Variants in ADAMTS9 observed in about 807,000 individuals in gnomAD.
ADAMTS9 encodes the protein A disintegrin and metalloproteinase with thrombospondin motifs 9.
Under a neutral mutation model 257.1 loss-of-function variants are expected in ADAMTS9, and 107 were observed. The observed-to-expected ratio is 0.42, with a 90% CI of 0.36 to 0.49. The LOEUF is 0.49. Ranked by LOEUF, ADAMTS9 falls within the 20% of genes least tolerant of loss-of-function variation. The probability of loss-of-function intolerance (pLI) is 0.03; values close to 1 mark genes in which losing one functional copy is unlikely to be tolerated. For synonymous variants in ADAMTS9, 982 were observed against 880.9 expected, an observed-to-expected ratio of 1.11 and a Z score of -2.03; for missense variants, 2,353 against 2,469.1, an observed-to-expected ratio of 0.95 and a Z score of 1.00.
At position 64,631,789 on chromosome 3, in the gene ADAMTS9, C is replaced by T. The variant is rs1259832196; in HGVS notation, c.2293+19G>A. On this transcript the variant is annotated intron_variant, in intron 15 of 39. Transcript: ENST00000498707. ...TTTGACCATATTCCTTCTCATGGTT[C>T]TTAGGAGCAGATTCTTACCATAATG... 1 of 1,587,012 alleles carries T rather than the reference C, an allele frequency of 6.3e-7. No homozygotes were observed. The highest frequency in any genetic ancestry group is 1.3e-5 in the African/African-American group (1 of 74,188).
chr3:64,517,421 T>TTTTTTG (rs1553698673), intron 39 of ADAMTS9, among the ~76,000 whole-genome samples: 2 of 122,076 alleles, frequency 1.6e-5, no homozygotes, highest in African/African-American at 2.9e-5. Context: ...AAATGGTTTT[T>TTTTTTG]TTTTTTTTTT....
chr3:64,616,460 C>A (rs6445416), intron 19 of ADAMTS9, among the ~76,000 whole-genome samples: 76,208 of 151,930 alleles, frequency 0.5, 19,931 homozygotes, highest in African/African-American at 0.66. Flanking sequence ...AAAAGGAAAA[C>A]ATTTTTTTCA....
intron 16 of ADAMTS9, 55 bp from the exon 17 acceptor site, chr3:64,622,641 T>C (rs1005246422): frequency 3.2e-6 from 5 of 1,583,726 alleles, no homozygotes; most frequent in African/African-American, 1.3e-5. Context: ...ACTAGCTGTT[T>C]GAAATATGAA....
chr3:64,527,291 T>C (rs957964542), intron 38 of ADAMTS9, among the ~76,000 whole-genome samples: 2 of 152,258 alleles, frequency 1.3e-5, no homozygotes, highest in African/African-American at 4.8e-5. Context: ...TGAATCTCTG[T>C]TCCATTAAGA....
intron 16 of ADAMTS9, among the ~76,000 whole-genome samples, chr3:64,626,619 TA>T (rs1700227948): frequency 6.6e-6 from 1 of 152,170 alleles, no homozygotes; most frequent in Non-Finnish European, 1.5e-5. Flanking sequence ...ATGGGTACTC[TA>T]AAAGCTCAGA....
chr3:64,596,245 C>T (rs191214515), intron 27 of ADAMTS9, among the ~76,000 whole-genome samples: 9 of 152,320 alleles, frequency 5.9e-5, no homozygotes, highest in Admixed American at 5.9e-4. Flanking sequence ...GAGAACAGGA[C>T]ACGGTTTTCT....
intron 38 of ADAMTS9, 110 bp from the exon 39 acceptor site, chr3:64,522,370 C>T: frequency 1.1e-6 from 1 of 929,488 alleles, no homozygotes; most frequent in Non-Finnish European, 1.7e-6. Flanking sequence ...GCCTTCTGAA[C>T]TGATGTGAAG....
At chr3:64,588,779 A>G (rs1411543571) in intron 28 of ADAMTS9, 1 of 152,224 alleles carries the variant, frequency 6.6e-6, no homozygotes, top group Non-Finnish European at 1.5e-5. Context: ...TCATAGGCAT[A>G]CAATCTCTGT....
At chr3:64,557,189 T>C (rs1172661682) in intron 30 of ADAMTS9, among the ~76,000 whole-genome samples, 1 of 151,966 alleles carries the variant, frequency 6.6e-6, no homozygotes, top group African/African-American at 2.4e-5. Flanking sequence ...CAGAGGAAGG[T>C]GGTCTTATGA....
At chr3:64,528,127 C>G (rs1217375539) in intron 38 of ADAMTS9, among the ~76,000 whole-genome samples, 1 of 152,210 alleles carries the variant, frequency 6.6e-6, no homozygotes, top group African/African-American at 2.4e-5. Flanking sequence ...GAAAATTCCT[C>G]TGGCACACAA....
chr3:64,678,591 C>T (rs916641007), intron 3 of ADAMTS9, among the ~76,000 whole-genome samples: 2 of 152,180 alleles, frequency 1.3e-5, no homozygotes, highest in African/African-American at 4.8e-5. Context: ...CCAACCACTG[C>T]TCTTGATTGG....
At chr3:64,655,510 T>C in intron 6 of ADAMTS9, 66 bp downstream of exon 6, 2 of 1,322,894 alleles carry the variant, frequency 1.5e-6, no homozygotes, top group Non-Finnish European at 2.2e-6. Flanking sequence ...CTATTAGGAA[T>C]GCATGACCAC....
At chr3:64,627,093 A>G (rs1028175753) in intron 16 of ADAMTS9, among the ~76,000 whole-genome samples, 3 of 152,218 alleles carry the variant, frequency 2.0e-5, no homozygotes, top group Non-Finnish European at 4.4e-5. Context: ...ATGTCTTGAT[A>G]AAAAGGAGGA....
intron 10 of ADAMTS9, among the ~76,000 whole-genome samples, chr3:64,649,064 C>T (rs967726162): frequency 1.3e-5 from 2 of 152,070 alleles, no homozygotes; most frequent in Non-Finnish European, 2.9e-5. Flanking sequence ...CATCTGTAAC[C>T]GGATAACTGC....
In ADAMTS9 at chr3:64,615,324, T is replaced by A; in HGVS notation, c.3186A>T (p.Ser1062=). 1.9e-6 allele frequency: 3 copies of A among 1,613,656 alleles called. No homozygotes were observed. The highest frequency in any genetic ancestry group is 2.5e-6 in the Non-Finnish European group (3 of 1,179,720). The part of the protein sequence containing the change: ...PCPQWKSGDW[S]ECLVTCGKGH... ...AATAACAGCCCTCCCATCTTACCTC[T>A]GACCAGTCTCCAGATTTCCACTGTG... Residue 1062 remains serine, a synonymous_variant, in exon 21 of 40, where the codon TCA becomes TCT. Coordinates refer to ENST00000498707, the MANE Select transcript of ADAMTS9 (RefSeq NM_182920.2).
chr3:64,613,627 A>T, intron 21 of ADAMTS9, 118 bp from the exon 22 acceptor site: 4 of 977,472 alleles, frequency 4.1e-6, no homozygotes, highest in Non-Finnish European at 5.8e-6. Flanking sequence ...TCACTCTCCC[A>T]TAGCAATTTG....
intron 28 of ADAMTS9, chr3:64,583,750 A>C (rs1559776979): frequency 6.6e-6 from 1 of 152,194 alleles, no homozygotes; most frequent in Non-Finnish European, 1.5e-5. Flanking sequence ...GAATTGATTC[A>C]AATTGACTTG....
In ADAMTS9 at chr3:64,641,830, A is replaced by C; in HGVS notation, c.1856+18T>G. The C allele has an allele frequency of 6.2e-7, 1 of 1,613,428 alleles. No homozygotes were observed. Among genetic ancestry groups the C allele is most frequent in the Middle Eastern group, 1.7e-4 (1 of 6,056 alleles). ...TCCTGCCACGGCAGTAATAACAGTT[A>C]TACATTCTAGGACTTACTCTGGTCT... On this transcript the variant is annotated intron_variant, in intron 12 of 39. Coordinates refer to ENST00000498707, the MANE Select transcript of ADAMTS9 (RefSeq NM_182920.2).
chr3:64,634,994 G>A (rs940004444), intron 12 of ADAMTS9, among the ~76,000 whole-genome samples: 1 of 152,142 alleles, frequency 6.6e-6, no homozygotes, highest in Admixed American at 6.5e-5. Context: ...TAAGTTCTCA[G>A]TCTTCCTGAG....
Sources: allele counts gnomAD v4.1 joint callset (sites outside exome capture counted in the v4.1 genomes callset), GRCh38; gene constraint gnomAD v4.1.1; transcripts MANE v1.5; gene names NCBI Gene and HGNC (gene_info 2026-07-23, HGNC 2026-07-21).